The following CATSPER1 variants were observed in gnomAD, a reference collection of about 807,000 sequenced individuals.
The protein encoded by CATSPER1 is cation channel sperm-associated protein 1.
Under a neutral mutation model 72.7 loss-of-function variants are expected in CATSPER1, and 57 were observed. That is an observed-to-expected ratio of 0.78 (90% CI 0.63 to 0.98). CATSPER1 has a LOEUF of 0.98. CATSPER1 is among the 50% of genes least tolerant of loss of function. CATSPER1 has a pLI of 0.00. For synonymous variants in CATSPER1, 363 were observed against 403.0 expected (o/e 0.90, Z 1.19); for missense variants, 910 against 1,033.9 (o/e 0.88, Z 1.64).
At chr11:66,023,121 AC>A in intron 1 of CATSPER1, 60 bp from the exon 2 acceptor site, 12 of 1,484,238 alleles carry the variant, frequency 8.1e-6, no homozygotes, top group South Asian at 1.1e-5. Context: ...GGTCCCAGGC[AC>A]CCCCCAGCCT....
At position 66,025,942 on chromosome 11, in the gene CATSPER1, C is replaced by T; in HGVS notation, c.438G>A (p.Gly146=). The T allele has an allele frequency of 1.2e-6, 2 of 1,613,402 alleles. No homozygotes were observed. Among genetic ancestry groups the T allele is most frequent in the Non-Finnish European group, 1.7e-6 (2 of 1,179,836 alleles). Residue 146 remains glycine (G), a synonymous_variant, in exon 1 of 12, where the codon GGG becomes GGA. Coordinates refer to ENST00000312106, the MANE Select transcript of CATSPER1 (RefSeq NM_053054.4). ...HQQSDSHYHR[G]SHHGRPQYLG... is the part of the protein sequence containing the mutation. ...GATATTGGGGTCTGCCATGGTGAGA[C>T]CCCCTATGGTAATGGGAGTCACTCT...
Position 66,018,855 on chromosome 11 carries a change from C to A in CATSPER1, c.2173G>T (p.Glu725Ter), listed in dbSNP as rs369120181. 6.2e-7 allele frequency: 1 copy of A among 1,613,922 alleles called. No individual in the cohort carries two copies. The highest frequency in any genetic ancestry group is 8.5e-7 in the Non-Finnish European group (1 of 1,180,030). The change falls in exon 10 of 12, where the codon GAG (glutamate) becomes TAG (stop). Residue 725 changes from glutamate (E) to a stop codon, truncating the protein, a stop_gained. Transcript: ENST00000312106. LOFTEE classifies it high-confidence loss of function. ...SEGTMLKRLI[E>*]KKFGTMTEKQ... is the part of the protein sequence containing the mutation. ...TCAGTCATGGTCCCAAACTTTTTCT[C>A]GATGAGCCGCTTCAGCATGGTGCCT...
intron 1 of CATSPER1, 129 bp downstream of exon 1, chr11:66,025,035 A>G (rs1453099616): frequency 1.5e-5 from 16 of 1,067,112 alleles, no homozygotes; most frequent in Non-Finnish European, 2.0e-5. Flanking sequence ...GAGAGTGAAT[A>G]GCCAGTGGGG....
rs138438242 is a variant in CATSPER1, at chr11:66,026,119, G to A, written c.261C>T (p.His87=). Reference sequence around the variant, plus strand: ...AGCCTGTGGGGCCATGGGCTCTGCCGTGATTCCGTGCCTCGCTGTGGTGGT... The same window carrying A: ...AGCCTGTGGGGCCATGGGCTCTGCCATGATTCCGTGCCTCGCTGTGGTGGT... The part of the protein sequence containing the change: ...QSHHHSEARN[H]GRAHGPTGFG... Residue 87 remains histidine, a synonymous_variant, in exon 1 of 12, where the codon CAC becomes CAT. Transcript: ENST00000312106. 143 of 1,608,428 alleles carry A rather than the reference G, an allele frequency of 8.9e-5. 1 individual carries two copies. Among genetic ancestry groups the A allele is most frequent in the Non-Finnish European group, 1.2e-4 (137 of 1,175,654 alleles).
chr11:66,020,026 A>G lies in CATSPER1; in HGVS notation c.2125+114T>C. The G allele has an allele frequency of 3.4e-6, 4 of 1,184,524 alleles. No homozygotes were observed. Among genetic ancestry groups the G allele is most frequent in the Non-Finnish European group, 4.9e-6 (4 of 815,684 alleles). 73.4% of individuals were successfully genotyped at this position (1,184,524 alleles called of 1,614,324 possible). A position where few individuals can be genotyped will look rare whatever the true frequency, so the allele number is the denominator to read the frequency against. On this transcript the variant is annotated intron_variant, in intron 9 of 11. Transcript: ENST00000312106. This position sits in a 1 kb window ranked among gnomAD's most constrained non-coding sequence, Gnocchi z 4.5. ...AAAGTCCTCCTGAGTCTCAAATTCT[A>G]AAACTCTAAAACTGAGTCTGGAATT...
Position 66,026,270 on chromosome 11 carries a change from C to T in CATSPER1, c.110G>A (p.Ser37Asn), listed in dbSNP as rs770351242. The T allele has an allele frequency of 1.9e-6, 3 of 1,614,164 alleles. No homozygotes were observed. The East Asian group carries it at 6.7e-5, about 36-fold the overall frequency. Residue 37 changes from serine (S) to asparagine (N), a missense_variant, in exon 1 of 12, where the codon AGC becomes AAC. Coordinates refer to ENST00000312106, the MANE Select transcript of CATSPER1 (RefSeq NM_053054.4). ...SSPPHHRPGH[S>N]RALHHYELHH... The stretch of plus-strand genomic sequence containing the variant: ...CAACTCGTAATGGTGGAGAGCTCTG[C>T]TGTGGCCTGGCCTGTGGTGTGGGGG...
Position 66,017,074 on chromosome 11 carries a change from C to T in CATSPER1, c.2302G>A (p.Asp768Asn), listed in dbSNP as rs1856252826. Residue 768 changes from aspartate (D) to asparagine (N), a missense_variant, in exon 11 of 12, where the codon GAC becomes AAC. Transcript: ENST00000312106. ...GCCTGGTTCACCTCAAATGTGGTGTCCACAATCTCATCGATGACGGCTGCC... is the reference window on the plus strand; with the variant it reads ...GCCTGGTTCACCTCAAATGTGGTGTTCACAATCTCATCGATGACGGCTGCC... Reference protein sequence around the residue: ...SQAAVIDEIVDTTFEAGEEDF... With the variant: ...SQAAVIDEIVNTTFEAGEEDF... 1 of 1,613,788 alleles carries T rather than the reference C, an allele frequency of 6.2e-7. No individual in the cohort carries two copies. Among genetic ancestry groups the T allele is most frequent in the African/African-American group, 1.3e-5 (1 of 74,902 alleles).
chr11:66,017,633 C>T (rs1171860583), intron 10 of CATSPER1, among the ~76,000 whole-genome samples: 2 of 151,968 alleles, frequency 1.3e-5, no homozygotes, highest in Admixed American at 1.3e-4. Flanking sequence ...CCTCCACCCA[C>T]TCATCTGCCC....
At position 66,025,224 on chromosome 11, in the gene CATSPER1, T is replaced by C. The variant is rs1856470626; in HGVS notation, c.1156A>G (p.Ile386Val). The C allele has an allele frequency of 1.9e-6, 3 of 1,614,196 alleles. No homozygotes were observed. The highest frequency in any genetic ancestry group is 2.5e-6 in the Non-Finnish European group (3 of 1,180,030). ...CAGTCTTCTGAATGTTTGGTGGAGA[T>C]ATCCTGGGTATGGACTTTTTTGGAC... ...QMSKKVHTQD[I>V]STKHSEDWGK... Residue 386 changes from isoleucine to valine, a missense_variant, in exon 1 of 12, where the codon ATC becomes GTC. By Grantham distance (29) the Ile-to-Val change is conservative (BLOSUM62 3). Transcript: ENST00000312106.
At chr11:66,023,702 C>T (rs1856428684) in intron 1 of CATSPER1, among the ~76,000 whole-genome samples, 1 of 151,658 alleles carries the variant, frequency 6.6e-6, no homozygotes, top group African/African-American at 2.4e-5. Flanking sequence ...GTGGCAGGGG[C>T]CAGCCTGTTG....
rs1590683881 is a variant in CATSPER1, at chr11:66,021,933, C to G, written c.1430-54G>C. 6 of 1,346,692 alleles carry G rather than the reference C, an allele frequency of 4.5e-6. No homozygotes were observed. In the East Asian group the frequency reaches 1.4e-4, roughly 31 times the overall value. The allele number at this position is 1,346,692 out of a possible 1,614,324, so 83.4% of individuals were successfully genotyped here. The stretch of plus-strand genomic sequence containing the variant: ...CTGTCCCCAGCACCCAGTGCCCTCT[C>G]TCTCCTCAGCATTAGCCTCACACAA... On this transcript the variant is annotated intron_variant, in intron 2 of 11. Coordinates refer to ENST00000312106, the MANE Select transcript of CATSPER1 (RefSeq NM_053054.4).
At position 66,018,729 on chromosome 11, in the gene CATSPER1, T is replaced by C. The variant is rs545396370; in HGVS notation, c.2201+98A>G. ...CAAGCCTCAGCGCTCCATCCCCTTCTAGAGGGGCAGGCAATGTCCCTTTCC... is the reference window on the plus strand; with the variant it reads ...CAAGCCTCAGCGCTCCATCCCCTTCCAGAGGGGCAGGCAATGTCCCTTTCC... On this transcript the variant is annotated intron_variant, in intron 10 of 11. Transcript: ENST00000312106. 1.1e-4 allele frequency: 144 copies of C among 1,329,738 alleles called. 1 individual carries two copies. The South Asian group carries it at 1.5e-3, about 14-fold the overall frequency. 82.4% of individuals were successfully genotyped at this position (1,329,738 alleles called of 1,614,324 possible).
chr11:66,021,717 G>A (rs371625829), intron 3 of CATSPER1, 49 bp downstream of exon 3: 48 of 1,612,708 alleles, frequency 3.0e-5, no homozygotes, highest in Non-Finnish European at 3.8e-5. Context: ...CTCTCGTCCC[G>A]AGCCTCCCCC....
rs1176017856 is a variant in CATSPER1 at position 66,025,930 on chromosome 11, G to T, written c.450C>A (p.Gly150=). ...AATTCTCACCGAGATATTGGGGTCT[G>T]CCATGGTGAGACCCCCTATGGTAAT... is the stretch of plus-strand genomic sequence containing the variant. ...DSHYHRGSHH[G]RPQYLGENLS... is the part of the protein sequence containing the mutation. The change falls in exon 1 of 12, where the codon GGC becomes GGA. Residue 150 remains glycine (G), a synonymous_variant. Coordinates refer to ENST00000312106, the MANE Select transcript of CATSPER1 (RefSeq NM_053054.4). 6 of 1,613,608 alleles carry T rather than the reference G, an allele frequency of 3.7e-6. No individual in the cohort carries two copies. The South Asian group carries it at 4.4e-5, about 12-fold the overall frequency.
chr11:66,022,794 G>T, intron 2 of CATSPER1, 55 bp downstream of exon 2: 1 of 1,572,474 alleles, frequency 6.4e-7, no homozygotes, highest in Non-Finnish European at 8.7e-7. Flanking sequence ...GCCCACGGAG[G>T]TCCTGGAAGA....
rs766140407 is a variant in CATSPER1 at position 66,021,896 on chromosome 11, G to C, written c.1430-17C>G. ...AGTACCACTCTGCAGGAACACAGGGGTGCACTCAGAGCTGTCCCCAGCACC... is the reference window on the plus strand; with the variant it reads ...AGTACCACTCTGCAGGAACACAGGGCTGCACTCAGAGCTGTCCCCAGCACC... On this transcript the variant is annotated splice_polypyrimidine_tract_variant and intron_variant, in intron 2 of 11. Coordinates refer to ENST00000312106, the MANE Select transcript of CATSPER1 (RefSeq NM_053054.4). The C allele has an allele frequency of 6.3e-7, 1 of 1,586,026 alleles. No homozygotes were observed. The highest frequency in any genetic ancestry group is 1.3e-5 in the African/African-American group (1 of 74,238).
intron 4 of CATSPER1, 37 bp from the exon 5 acceptor site, chr11:66,021,222 A>AGG: frequency 6.3e-7 from 1 of 1,583,774 alleles, no homozygotes; most frequent in Non-Finnish European, 8.6e-7. Flanking sequence ...GTCATCGGTG[A>AGG]GGGGCGGGGG....
chr11:66,024,531 C>T (rs773391437), intron 1 of CATSPER1, among the ~76,000 whole-genome samples: 2 of 152,164 alleles, frequency 1.3e-5, no homozygotes, highest in African/African-American at 4.8e-5. Context: ...CCACCCACCT[C>T]GGCCTCCCAA....
In CATSPER1 at chr11:66,020,865, T is replaced by C; in HGVS notation, c.1873A>G (p.Thr625Ala). ...GACCAGTCATCCAGCGTGAGCAAGG[T>C]GAAGAGGGTGAAGATGGTGGTGAAG... Reference protein sequence around the residue: ...NIFTTIFTLFTLLTLDDWSLI... With the variant: ...NIFTTIFTLFALLTLDDWSLI... The change falls in exon 6 of 12, where the codon ACC (threonine) becomes GCC (alanine). Residue 625 changes from threonine to alanine, a missense_variant. Transcript: ENST00000312106. This position sits in a 1 kb window ranked among gnomAD's most constrained non-coding sequence, Gnocchi z 4.5. 6.2e-7 allele frequency: 1 copy of C among 1,613,672 alleles called. No individual in the cohort carries two copies. Among genetic ancestry groups the C allele is most frequent in the Non-Finnish European group, 8.5e-7 (1 of 1,179,952 alleles).
Sources: gnomAD v4.1 joint callset for allele counts (sites outside exome capture counted in the v4.1 genomes callset) on GRCh38, gnomAD v4.1.1 for gene constraint, Gnocchi (gnomAD v3.1) non-coding constraint, MANE v1.5 for transcripts, NCBI Gene and HGNC (gene_info 2026-07-23, HGNC 2026-07-21) for gene names.